The following CXCL13 variants were observed in gnomAD, a reference collection of about 807,000 sequenced individuals.
CXCL13 encodes the protein C-X-C motif chemokine 13.
Under a neutral mutation model 12.2 loss-of-function variants are expected in CXCL13, and 7 were observed. The observed-to-expected ratio is 0.57, with a 90% CI of 0.33 to 1.07. The LOEUF (loss-of-function observed/expected upper bound fraction) is 1.07. CXCL13 is among the 50% of genes least tolerant of loss of function. The probability of loss-of-function intolerance (pLI) is 0.04; values close to 1 mark genes in which losing one functional copy is unlikely to be tolerated. For synonymous variants in CXCL13, 47 were observed against 42.4 expected (o/e 1.11, Z -0.42); for missense variants, 113 against 127.4 (o/e 0.89, Z 0.55).
chr4:77,590,912 C>T (rs1333520997), intron 1 of CXCL13, among the ~76,000 whole-genome samples: 4 of 152,220 alleles, frequency 2.6e-5, no homozygotes, highest in Non-Finnish European at 4.4e-5. Flanking sequence ...TGGAGTCTCA[C>T]TCTGTCACCC....
At chr4:77,516,640 G>T (rs1284394046) in intron 1 of CXCL13, among the ~76,000 whole-genome samples, 1 of 152,130 alleles carries the variant, frequency 6.6e-6, no homozygotes. Context: ...ATTTCTGTGG[G>T]ATCAGTGGTG....
intron 1 of CXCL13, among the ~76,000 whole-genome samples, chr4:77,538,872 C>G (rs1156294063): frequency 6.6e-6 from 1 of 152,168 alleles, no homozygotes; most frequent in Non-Finnish European, 1.5e-5. Context: ...CCATTTGGGT[C>G]TGTAGCAACC....
chr4:77,606,674 G>A (rs910126184), intron 1 of CXCL13, among the ~76,000 whole-genome samples: 5 of 152,142 alleles, frequency 3.3e-5, no homozygotes, highest in Admixed American at 1.3e-4. Context: ...CATGGCTCCC[G>A]GCAGAGGTAG....
intron 1 of CXCL13, among the ~76,000 whole-genome samples, chr4:77,528,496 T>A (rs1377795261): frequency 2.6e-5 from 4 of 152,232 alleles, no homozygotes; most frequent in African/African-American, 7.2e-5. Flanking sequence ...GGTATCTCAT[T>A]GTGGTTTTGA....
intron 1 of CXCL13, among the ~76,000 whole-genome samples, chr4:77,594,505 G>A (rs1295457979): frequency 6.6e-6 from 1 of 151,808 alleles, no homozygotes; most frequent in East Asian, 1.9e-4. Context: ...GAGCTATTGG[G>A]CATCAACATA....
intron 1 of CXCL13, among the ~76,000 whole-genome samples, chr4:77,522,363 T>G (rs141838919): frequency 0.053 from 8,128 of 152,004 alleles, 731 homozygotes; most frequent in African/African-American, 0.19. Flanking sequence ...TGAATCTGGG[T>G]GCTCCTGTAT....
chr4:77,532,450 C>A (rs1342523281), intron 1 of CXCL13, among the ~76,000 whole-genome samples: 2 of 152,160 alleles, frequency 1.3e-5, no homozygotes, highest in East Asian at 1.9e-4. Flanking sequence ...TGTGGGTAAC[C>A]TGACCTTTCT....
chr4:77,570,217 CA>C (rs1246704942), intron 1 of CXCL13, among the ~76,000 whole-genome samples: 1 of 152,206 alleles, frequency 6.6e-6, no homozygotes, highest in Non-Finnish European at 1.5e-5. Context: ...ACAAGGATTT[CA>C]TGTTGAAGAT....
chr4:77,525,956 C>A (rs1230805827), intron 1 of CXCL13, among the ~76,000 whole-genome samples: 1 of 144,654 alleles, frequency 6.9e-6, no homozygotes. Flanking sequence ...ATTTTTAAAT[C>A]TTAAATGCTA....
At chr4:77,558,426 C>A (rs1725715952) in intron 1 of CXCL13, among the ~76,000 whole-genome samples, 1 of 152,156 alleles carries the variant, frequency 6.6e-6, no homozygotes, top group Non-Finnish European at 1.5e-5. Flanking sequence ...AATCTCAGCT[C>A]ACTGCAACCT....
intron 1 of CXCL13, among the ~76,000 whole-genome samples, chr4:77,554,028 A>G (rs998057131): frequency 6.6e-6 from 1 of 152,134 alleles, no homozygotes; most frequent in African/African-American, 2.4e-5. Context: ...ATTTTACAAT[A>G]TATATGTATT....
At chr4:77,602,554 C>A (rs996498187), upstream of CXCL13, among the ~76,000 whole-genome samples, 3 of 151,844 alleles carry the variant, frequency 2.0e-5, no homozygotes, top group Non-Finnish European at 4.4e-5. Flanking sequence ...GATGCCAGTC[C>A]TTGGATCACA....
At chr4:77,548,581 A>C (rs1725432815) in intron 1 of CXCL13, among the ~76,000 whole-genome samples, 1 of 152,220 alleles carries the variant, frequency 6.6e-6, no homozygotes, top group African/African-American at 2.4e-5. Context: ...AAAAAGTGAC[A>C]GTGAATACAA....
upstream of CXCL13, among the ~76,000 whole-genome samples, chr4:77,605,528 T>C (rs1351644915): frequency 1.3e-4 from 20 of 152,076 alleles, no homozygotes; most frequent in Non-Finnish European, 1.5e-5. Context: ...CCATCACCAA[T>C]AGCGCTACTA....
intron 1 of CXCL13, among the ~76,000 whole-genome samples, chr4:77,577,041 A>G (rs1469183557): frequency 6.6e-6 from 1 of 152,234 alleles, no homozygotes; most frequent in Non-Finnish European, 1.5e-5. Context: ...AAGGAACAAA[A>G]GCATAGATAG....
intron 1 of CXCL13, among the ~76,000 whole-genome samples, chr4:77,515,282 C>G (rs989091178): frequency 1.3e-5 from 2 of 152,088 alleles, no homozygotes; most frequent in Non-Finnish European, 2.9e-5. Context: ...ATTGACATGG[C>G]GATGTGGGCT....
intron 1 of CXCL13, among the ~76,000 whole-genome samples, chr4:77,577,347 T>A (rs575207594): frequency 6.6e-6 from 1 of 152,224 alleles, no homozygotes; most frequent in African/African-American, 2.4e-5. Context: ...AATAAGGAGT[T>A]CATCCAACCC....
chr4:77,530,725 G>C (rs193101717), intron 1 of CXCL13, among the ~76,000 whole-genome samples: 1 of 152,086 alleles, frequency 6.6e-6, no homozygotes, highest in Non-Finnish European at 1.5e-5. Flanking sequence ...CAAAAAACCA[G>C]CTCCTGGATT....
chr4:77,559,224 C>A (rs1725738430), intron 1 of CXCL13, among the ~76,000 whole-genome samples: 1 of 152,184 alleles, frequency 6.6e-6, no homozygotes, highest in Non-Finnish European at 1.5e-5. Context: ...AGGAGGTTCC[C>A]TTGGCTCCAA....
Sources: allele counts gnomAD v4.1 joint callset (sites outside exome capture counted in the v4.1 genomes callset), GRCh38; gene constraint gnomAD v4.1.1; transcripts MANE v1.5; gene names NCBI Gene and HGNC (gene_info 2026-07-23, HGNC 2026-07-21).